Variants in EREG observed in about 807,000 individuals in gnomAD.
EREG encodes the protein epiregulin.
EREG carries 23 observed loss-of-function variants against 22.4 expected under a neutral mutation model. The observed-to-expected ratio is 1.03, with a 90% CI of 0.74 to 1.46. The LOEUF is 1.46. Among genes scored for constraint, EREG ranks in the 40% most tolerant of loss-of-function variants. EREG has a pLI of 0.00. For missense variants in EREG, 226 were observed against 205.9 expected (o/e 1.10, Z -0.60); for synonymous variants, 100 against 75.4 (o/e 1.33, Z -1.69).
chr4:74,376,885 A>C (rs1459751738), intron 1 of EREG, among the ~76,000 whole-genome samples: 1 of 152,264 alleles, frequency 6.6e-6, no homozygotes, highest in Non-Finnish European at 1.5e-5. Flanking sequence ...AATTTGATAT[A>C]TGAAGTTATA....
chr4:74,383,129 C>A (rs1752507483), intron 4 of EREG, among the ~76,000 whole-genome samples: 1 of 152,138 alleles, frequency 6.6e-6, no homozygotes, highest in African/African-American at 2.4e-5. Context: ...ATACTTATTA[C>A]CTATGTGACC....
intron 4 of EREG, among the ~76,000 whole-genome samples, chr4:74,384,493 T>G (rs2110390332): frequency 6.6e-6 from 1 of 152,244 alleles, no homozygotes; most frequent in Non-Finnish European, 1.5e-5. Flanking sequence ...CGTTAAAGAC[T>G]TTGAGAAACT....
chr4:74,378,044 T>C (rs182398036), intron 1 of EREG, among the ~76,000 whole-genome samples: 51 of 152,350 alleles, frequency 3.3e-4, no homozygotes, highest in Admixed American at 3.1e-3. Context: ...ATATATTTTG[T>C]TGCCTTTATG....
At chr4:74,372,370 C>G (rs922177716) in intron 1 of EREG, among the ~76,000 whole-genome samples, 1 of 152,186 alleles carries the variant, frequency 6.6e-6, no homozygotes, top group African/African-American at 2.4e-5. Context: ...CTGATTAAAA[C>G]TTTATCCTTG....
chr4:74,371,307 A>G (rs1349716107), intron 1 of EREG, among the ~76,000 whole-genome samples: 1 of 152,220 alleles, frequency 6.6e-6, no homozygotes, highest in Non-Finnish European at 1.5e-5. Context: ...ATACAAATAT[A>G]AAGCCCATTC....
At chr4:74,383,314 C>G (rs1346835839) in intron 4 of EREG, among the ~76,000 whole-genome samples, 1 of 152,104 alleles carries the variant, frequency 6.6e-6, no homozygotes, top group Non-Finnish European at 1.5e-5. Flanking sequence ...TTTAATTCCT[C>G]AAGTCACATT....
intron 3 of EREG, chr4:74,381,373 C>A (rs9291193): frequency 0.82 from 279,857 of 342,596 alleles, 114,587 homozygotes; most frequent in African/African-American, 0.88. Context: ...TCTCTATGAC[C>A]ATGTGTACAC....
At chr4:74,377,192 T>G (rs1169026153) in intron 1 of EREG, among the ~76,000 whole-genome samples, 1 of 151,658 alleles carries the variant, frequency 6.6e-6, no homozygotes, top group East Asian at 1.9e-4. Flanking sequence ...TTTATTTCAC[T>G]GTATTCTCCC....
At chr4:74,370,491 T>C (rs1752271071) in intron 1 of EREG, among the ~76,000 whole-genome samples, 1 of 152,126 alleles carries the variant, frequency 6.6e-6, no homozygotes, top group Non-Finnish European at 1.5e-5. Flanking sequence ...TAAGTAACAG[T>C]TTTGGAAAAT....
intron 1 of EREG, among the ~76,000 whole-genome samples, chr4:74,376,239 G>A (rs1752381277): frequency 6.6e-6 from 1 of 152,178 alleles, no homozygotes; most frequent in Admixed American, 6.5e-5. Flanking sequence ...GAAAGGTTAG[G>A]CTTTAGTTTA....
At chr4:74,365,424 A>G (rs778447740) in intron 1 of EREG, 49 bp downstream of exon 1, 4 of 1,539,732 alleles carry the variant, frequency 2.6e-6, no homozygotes, top group Admixed American at 1.7e-5. Flanking sequence ...GGAGACAAAT[A>G]AGGAAGGCTC....
intron 1 of EREG, among the ~76,000 whole-genome samples, chr4:74,370,638 A>G: frequency 6.6e-6 from 1 of 151,972 alleles, no homozygotes; most frequent in Admixed American, 6.6e-5. Context: ...AGAGAGAGAG[A>G]TAGAGAGAGA....
chr4:74,378,924 C>A (rs1752429164), intron 1 of EREG, among the ~76,000 whole-genome samples: 1 of 152,182 alleles, frequency 6.6e-6, no homozygotes, highest in Non-Finnish European at 1.5e-5. Flanking sequence ...TTTTACCTAG[C>A]TTTCACTGTA....
intron 1 of EREG, among the ~76,000 whole-genome samples, chr4:74,370,095 C>T (rs1752264765): frequency 6.6e-6 from 1 of 152,108 alleles, no homozygotes; most frequent in South Asian, 2.1e-4. Flanking sequence ...CTGTCAATGC[C>T]CTCAAGTCAC....
intron 1 of EREG, among the ~76,000 whole-genome samples, chr4:74,368,741 T>C (rs1752241902): frequency 6.6e-6 from 1 of 152,198 alleles, no homozygotes; most frequent in South Asian, 2.1e-4. Flanking sequence ...CTGTCAATCT[T>C]TACTTTGAGT....
rs57433575 is a variant in EREG, at chr4:74,377,682, T to A, written c.68-1766T>A. Among the ~76,000 whole-genome samples, 199 of 152,226 alleles carry A rather than the reference T, an allele frequency of 1.3e-3. 1 individual carries two copies. Among genetic ancestry groups the A allele is most frequent in the African/African-American group, 4.6e-3 (190 of 41,528 alleles). The stretch of plus-strand genomic sequence containing the variant: ...TCACAGTTCTATATGGCTGGGGAAG[T>A]CTCAGGAAACTTATCATGGCCGAAG... On this transcript the variant is annotated intron_variant, in intron 1 of 4. Coordinates refer to ENST00000244869, the MANE Select transcript of EREG (RefSeq NM_001432.3).
chr4:74,365,498 T>C (rs1185937908), intron 1 of EREG, 123 bp downstream of exon 1: 1 of 682,626 alleles, frequency 1.5e-6, no homozygotes, highest in Non-Finnish European at 2.3e-6. Context: ...CTATTTAAAA[T>C]TACGTCTTGT....
chr4:74,373,112 T>C (rs1752320374), intron 1 of EREG, among the ~76,000 whole-genome samples: 2 of 151,900 alleles, frequency 1.3e-5, no homozygotes, highest in South Asian at 4.2e-4. Context: ...AGAGTTGGTA[T>C]GTATTCTCCT....
At position 74,388,228 on chromosome 4, in the gene EREG, G is replaced by A. The variant is rs1473498521; in HGVS notation, c.*3420G>A. 6.6e-6 allele frequency: 1 copy of A among 152,012 alleles called. No individual in the cohort carries two copies. Among genetic ancestry groups the A allele is most frequent in the African/African-American group, 2.4e-5 (1 of 41,382 alleles). 9.4% of individuals were successfully genotyped at this position (152,012 alleles called of 1,614,324 possible). A position where few individuals can be genotyped will look rare whatever the true frequency, so the allele number is the denominator to read the frequency against. On this transcript the variant is annotated 3_prime_UTR_variant, in exon 5 of 5. Transcript: ENST00000244869. ...TAATTTTTGCTCCAATATCCATTCT[G>A]TAGACTTTTGAAAAAAAAGTTTTTA...
Sources: gnomAD v4.1 joint callset for allele counts (sites outside exome capture counted in the v4.1 genomes callset) on GRCh38, gnomAD v4.1.1 for gene constraint, MANE v1.5 for transcripts, NCBI Gene and HGNC (gene_info 2026-07-23, HGNC 2026-07-21) for gene names.